Variants in MAMDC2 observed in about 807,000 individuals in gnomAD.
The protein encoded by MAMDC2 is MAM domain containing 2.
MAMDC2 carries 57 observed loss-of-function variants against 89.8 expected under a neutral mutation model. The ratio of observed to expected loss-of-function variants is 0.63; its 90% confidence interval spans 0.51 to 0.79. The LOEUF (loss-of-function observed/expected upper bound fraction) is 0.79, where lower values mean the gene tolerates loss of function less well. MAMDC2 is among the 30% of genes least tolerant of loss of function. The pLI, the probability that MAMDC2 is intolerant of heterozygous loss-of-function variation, is 0.00. For missense variants in MAMDC2, 800 were observed against 820.6 expected, an observed-to-expected ratio of 0.97 and a Z score of 0.31; for synonymous variants, 313 against 293.4, an observed-to-expected ratio of 1.07 and a Z score of -0.68.
At chr9:70,056,673 G>T (rs940688908) in intron 2 of MAMDC2, among the ~76,000 whole-genome samples, 3 of 152,114 alleles carry the variant, frequency 2.0e-5, no homozygotes, top group Admixed American at 1.3e-4. Context: ...TAAAGCAGGG[G>T]TCCCAACCCC....
chr9:70,074,223 T>A (rs1827476168), intron 2 of MAMDC2, among the ~76,000 whole-genome samples: 1 of 152,210 alleles, frequency 6.6e-6, no homozygotes, highest in African/African-American at 2.4e-5. Context: ...TATGAATGTA[T>A]TTCAGGCAAG....
intron 11 of MAMDC2, among the ~76,000 whole-genome samples, chr9:70,198,293 C>G (rs1713854305): frequency 6.6e-6 from 1 of 151,808 alleles, no homozygotes; most frequent in Admixed American, 6.6e-5. Context: ...TCCACAATTT[C>G]AGGCATCCAG....
At chr9:70,205,539 C>T (rs1368689619) in intron 11 of MAMDC2, among the ~76,000 whole-genome samples, 1 of 152,130 alleles carries the variant, frequency 6.6e-6, no homozygotes, top group East Asian at 1.9e-4. Flanking sequence ...TGAAAAAGAG[C>T]CCTGAGACTG....
At chr9:70,124,599 G>A (rs575832337) in intron 5 of MAMDC2, among the ~76,000 whole-genome samples, 2 of 152,156 alleles carry the variant, frequency 1.3e-5, no homozygotes, top group Admixed American at 6.5e-5. Context: ...ACCACATACC[G>A]GGCTATGTAC....
At chr9:70,081,912 A>G (rs1827662143) in intron 2 of MAMDC2, 1 of 152,090 alleles carries the variant, frequency 6.6e-6, no homozygotes, top group African/African-American at 2.4e-5. Flanking sequence ...AAGCTAACCA[A>G]TTACAATCAA....
At chr9:70,153,147 A>C (rs1235463888) in intron 9 of MAMDC2, 1 of 152,236 alleles carries the variant, frequency 6.6e-6, no homozygotes, top group Non-Finnish European at 1.5e-5. Flanking sequence ...AGTTTACAAT[A>C]ATAAAACTTT....
chr9:70,084,872 C>A (rs1007553876), intron 2 of MAMDC2, among the ~76,000 whole-genome samples: 1 of 148,884 alleles, frequency 6.7e-6, no homozygotes, highest in Admixed American at 6.6e-5. Flanking sequence ...AGTCTGGCAA[C>A]AGAGGCCTGA....
At chr9:70,168,516 T>C in intron 9 of MAMDC2, 186 bp from the exon 10 acceptor site, 1 of 539,556 alleles carries the variant, frequency 1.9e-6, no homozygotes, top group Non-Finnish European at 3.3e-6. Flanking sequence ...ATAATAAAAG[T>C]AATTCCAGGG....
chr9:70,195,490 G>T (rs1461065908), intron 11 of MAMDC2, among the ~76,000 whole-genome samples: 1 of 152,082 alleles, frequency 6.6e-6, no homozygotes, highest in Non-Finnish European at 1.5e-5. Flanking sequence ...AAAAGCCATG[G>T]TCTGAAAATA....
intron 11 of MAMDC2, among the ~76,000 whole-genome samples, chr9:70,181,332 C>T: frequency 6.6e-6 from 1 of 152,140 alleles, no homozygotes; most frequent in South Asian, 2.1e-4. Flanking sequence ...CTTGGCTATA[C>T]AGGCTCTTTT....
chr9:70,057,878 C>T (rs980725597), intron 2 of MAMDC2, among the ~76,000 whole-genome samples: 33 of 152,288 alleles, frequency 2.2e-4, no homozygotes, highest in African/African-American at 6.7e-4. Context: ...TCACAAACCA[C>T]CAGGTGTGCT....
At chr9:70,050,854 TGTGTGGCTGAACAAG>T (rs1281995783) in intron 2 of MAMDC2, among the ~76,000 whole-genome samples, 2 of 152,220 alleles carry the variant, frequency 1.3e-5, no homozygotes, top group African/African-American at 4.8e-5. Context: ...ATCTCACTTT[TGTGTGGCTGAACAAG>T]GTGTGGATAT....
intron 2 of MAMDC2, among the ~76,000 whole-genome samples, chr9:70,058,306 G>A: frequency 6.6e-6 from 1 of 152,104 alleles, no homozygotes; most frequent in South Asian, 2.1e-4. Flanking sequence ...CAAGTTATTG[G>A]TGGAGCCTGG....
intron 2 of MAMDC2, among the ~76,000 whole-genome samples, chr9:70,080,150 G>A (rs1409760482): frequency 6.6e-6 from 1 of 151,992 alleles, no homozygotes. Context: ...AGAATATGGG[G>A]GATAAATGAC....
chr9:70,150,903 T>C (rs150412370), intron 9 of MAMDC2, among the ~76,000 whole-genome samples: 30 of 152,320 alleles, frequency 2.0e-4, no homozygotes, highest in African/African-American at 6.3e-4. Context: ...AATCAAATCT[T>C]GGACCTCCCC....
intron 2 of MAMDC2, chr9:70,090,885 C>T (rs1827882424): frequency 6.6e-6 from 1 of 152,018 alleles, no homozygotes; most frequent in African/African-American, 2.4e-5. Flanking sequence ...AATTATGGTA[C>T]ATTTATACAA....
chr9:70,198,160 G>GTATATATATA (rs755641073), intron 11 of MAMDC2, among the ~76,000 whole-genome samples: 48 of 51,148 alleles, frequency 9.4e-4, no homozygotes, highest in African/African-American at 2.2e-3. Context: ...GTGTATGTGT[G>GTATATATATA]TATATATATA....
At chr9:70,194,805 T>C (rs1266038897) in intron 11 of MAMDC2, among the ~76,000 whole-genome samples, 7 of 152,140 alleles carry the variant, frequency 4.6e-5, no homozygotes, top group Admixed American at 4.6e-4. Context: ...TGTTTTGTCA[T>C]TTGTGCTTTT....
chr9:70,217,480 C>A (rs2033470947), intron 11 of MAMDC2: 1 of 1,460,666 alleles, frequency 6.8e-7, no homozygotes, highest in Non-Finnish European at 9.6e-7. Flanking sequence ...CAAGAGGAAT[C>A]AGAAACCTTA....
Sources: allele counts gnomAD v4.1 joint callset (sites outside exome capture counted in the v4.1 genomes callset), GRCh38; gene constraint gnomAD v4.1.1; transcripts MANE v1.5; gene names NCBI Gene and HGNC (gene_info 2026-07-23, HGNC 2026-07-21).